Variants in ADORA2B observed in about 807,000 individuals in gnomAD.
ADORA2B encodes adenosine A2b receptor.
Under a neutral mutation model 20.8 loss-of-function variants are expected in ADORA2B, and 18 were observed. The ratio of observed to expected loss-of-function variants is 0.87; its 90% CI spans 0.60 to 1.29. ADORA2B has a LOEUF of 1.29. Ranked by LOEUF, ADORA2B falls within the 50% of genes most tolerant of loss-of-function variation. The pLI is 0.00. For synonymous variants in ADORA2B, 179 were observed against 178.3 expected, an observed-to-expected ratio of 1.00 and a Z score of -0.03; for missense variants, 441 against 422.7, an observed-to-expected ratio of 1.04 and a Z score of -0.38.
At chr17:15,919,803 G>A in the ADORA2B span, among the ~76,000 whole-genome samples, 1 of 152,126 alleles carries the variant, frequency 6.6e-6, no homozygotes, top group Admixed American at 6.5e-5. Flanking sequence ...CCAGCTGGGT[G>A]TACAGGATGG....
At chr17:15,969,310 C>T (rs912839174) in intron 1 of ADORA2B, among the ~76,000 whole-genome samples, 1 of 151,904 alleles carries the variant, frequency 6.6e-6, no homozygotes. Flanking sequence ...AAGAAATAGC[C>T]GGGTGTGGTG....
the ADORA2B span, among the ~76,000 whole-genome samples, chr17:15,893,776 A>C: frequency 6.6e-6 from 1 of 152,196 alleles, no homozygotes; most frequent in Non-Finnish European, 1.5e-5. Flanking sequence ...GTTTAACCCA[A>C]CATAGCGCAG....
chr17:15,949,251 G>A (rs966957292), intron 1 of ADORA2B, among the ~76,000 whole-genome samples: 4 of 151,918 alleles, frequency 2.6e-5, no homozygotes, highest in African/African-American at 9.7e-5. Flanking sequence ...AGTGGCTCAC[G>A]CCTGTAATCC....
chr17:15,870,056 G>A, the ADORA2B span, among the ~76,000 whole-genome samples: 1 of 150,104 alleles, frequency 6.7e-6, no homozygotes, highest in Non-Finnish European at 1.5e-5. Context: ...TTGTAAATAA[G>A]TTTCGTAAGC....
At chr17:15,886,714 GGAA>G in the ADORA2B span, among the ~76,000 whole-genome samples, 3 of 130,720 alleles carry the variant, frequency 2.3e-5, no homozygotes, top group East Asian at 4.1e-4. Flanking sequence ...AGAAAGGAGA[GGAA>G]GAAAATTCCA....
the ADORA2B span, among the ~76,000 whole-genome samples, chr17:15,938,287 A>AGT: frequency 8.5e-5 from 13 of 152,274 alleles, no homozygotes; most frequent in African/African-American, 3.1e-4. Flanking sequence ...ATCAATATTC[A>AGT]GTGTTCTTTT....
rs1273044740 is a variant in ADORA2B, at chr17:15,960,711, AAC to A, written c.336-13960_336-13959del. Among the ~76,000 whole-genome samples, 18 of 151,342 alleles carry A rather than the reference AAC, an allele frequency of 1.2e-4. No homozygotes were observed. The East Asian group carries it at 3.5e-3, about 29-fold the overall frequency. On this transcript the variant is annotated intron_variant, in intron 1 of 1. Coordinates refer to ENST00000304222, the MANE Select transcript of ADORA2B (RefSeq NM_000676.4). ...ACGGTGAAACCCCGTCTCTACTAAA[AAC>A]ACACACAAAAAAATTAGCCGGGCAT...
At chr17:15,896,452 C>T in the ADORA2B span, among the ~76,000 whole-genome samples, 17 of 152,134 alleles carry the variant, frequency 1.1e-4, no homozygotes, top group Middle Eastern at 0.01. Flanking sequence ...TGAGATGTGT[C>T]GCCAAACTGA....
the ADORA2B span, among the ~76,000 whole-genome samples, chr17:15,918,080 G>T: frequency 3.3e-5 from 5 of 152,208 alleles, no homozygotes; most frequent in African/African-American, 1.2e-4. Flanking sequence ...TGCGCTCGGG[G>T]TGGCAGCGTG....
the ADORA2B span, among the ~76,000 whole-genome samples, chr17:15,911,439 A>G: frequency 6.6e-6 from 1 of 152,148 alleles, no homozygotes; most frequent in East Asian, 1.9e-4. Flanking sequence ...GTTTACTGTG[A>G]TTGGCTCTGA....
At chr17:15,913,815 C>T in the ADORA2B span, among the ~76,000 whole-genome samples, 1 of 152,216 alleles carries the variant, frequency 6.6e-6, no homozygotes, top group Non-Finnish European at 1.5e-5. Flanking sequence ...ACCCTTTAAA[C>T]CAGATCATTA....
At chr17:15,967,197 C>T (rs901113665) in intron 1 of ADORA2B, among the ~76,000 whole-genome samples, 3 of 150,896 alleles carry the variant, frequency 2.0e-5, no homozygotes, top group African/African-American at 7.3e-5. Flanking sequence ...TCGTTCCTTC[C>T]AGTGTCCTGC....
upstream of ADORA2B, among the ~76,000 whole-genome samples, chr17:15,944,126 C>G (rs1261319710): frequency 1.3e-5 from 2 of 152,108 alleles, no homozygotes; most frequent in African/African-American, 2.4e-5. The surrounding 1 kb of genome is among the most constrained non-coding windows in gnomAD (Gnocchi z 4.8). Flanking sequence ...CTCAGGGTGT[C>G]AGCAAACTTC....
chr17:15,892,820 T>C, the ADORA2B span, among the ~76,000 whole-genome samples: 7 of 152,120 alleles, frequency 4.6e-5, no homozygotes, highest in East Asian at 1.3e-3. Context: ...CACAATTCAG[T>C]GTGTACCCTG....
chr17:15,948,929 C>T (rs545224943), intron 1 of ADORA2B, among the ~76,000 whole-genome samples: 15 of 152,208 alleles, frequency 9.9e-5, no homozygotes, highest in Middle Eastern at 6.8e-3. Flanking sequence ...GCTATAGGGC[C>T]GGGCACGGTG....
At chr17:15,918,352 TA>T in the ADORA2B span, among the ~76,000 whole-genome samples, 1 of 152,232 alleles carries the variant, frequency 6.6e-6, no homozygotes, top group African/African-American at 2.4e-5. Flanking sequence ...TCTGGCCCCT[TA>T]AAAGTCGGAG....
At chr17:15,925,272 G>A in the ADORA2B span, among the ~76,000 whole-genome samples, 1 of 152,202 alleles carries the variant, frequency 6.6e-6, no homozygotes, top group Admixed American at 6.5e-5. Context: ...CTGACCTCAG[G>A]TGATCTGCCT....
chr17:15,923,206 A>ATTCTTTTT, the ADORA2B span, among the ~76,000 whole-genome samples: 17 of 113,510 alleles, frequency 1.5e-4, no homozygotes, highest in African/African-American at 6.1e-4. Context: ...TCTTTTTTTA[A>ATTCTTTTT]TTTTTTTTTT....
At chr17:15,851,942 T>TA in the ADORA2B span, among the ~76,000 whole-genome samples, 7 of 152,268 alleles carry the variant, frequency 4.6e-5, no homozygotes, top group African/African-American at 1.7e-4. Context: ...CTATAAATTT[T>TA]AAAGATTAAG....
Sources: allele counts gnomAD v4.1 joint callset (sites outside exome capture counted in the v4.1 genomes callset), GRCh38; gene constraint gnomAD v4.1.1; non-coding constraint Gnocchi (gnomAD v3.1); transcripts MANE v1.5; gene names NCBI Gene and HGNC (gene_info 2026-07-23, HGNC 2026-07-21).